Variants in ARMH4 observed in about 807,000 individuals in gnomAD.
ARMH4 encodes armadillo like helical domain containing 4, also known as armadillo-like helical domain-containing protein 4.
Under a neutral mutation model 61.9 loss-of-function variants are expected in ARMH4, and 49 were observed. That is an observed-to-expected ratio of 0.79 (90% CI 0.63 to 1.00). The LOEUF (loss-of-function observed/expected upper bound fraction) is 1.00. Ranked by LOEUF, ARMH4 falls within the 50% of genes least tolerant of loss-of-function variation. The pLI is 0.00. For synonymous variants in ARMH4, 368 were observed against 341.5 expected (o/e 1.08, Z -0.85); for missense variants, 934 against 930.0 (o/e 1.00, Z -0.06).
intron 4 of ARMH4, among the ~76,000 whole-genome samples, chr14:58,122,051 G>A (rs1159853298): frequency 1.3e-5 from 2 of 152,152 alleles, no homozygotes; most frequent in Non-Finnish European, 2.9e-5. Flanking sequence ...CTGTCATTGA[G>A]GCAAAGTGAA....
At chr14:58,030,113 T>C (rs1175394727) in intron 5 of ARMH4, among the ~76,000 whole-genome samples, 2 of 152,294 alleles carry the variant, frequency 1.3e-5, no homozygotes, top group Admixed American at 6.5e-5. Context: ...TAAGGGAATG[T>C]GCTAAGGGAT....
At chr14:58,086,922 G>A (rs534409284) in intron 5 of ARMH4, among the ~76,000 whole-genome samples, 4 of 152,092 alleles carry the variant, frequency 2.6e-5, no homozygotes, top group African/African-American at 4.8e-5. Context: ...AGAAAAAGTC[G>A]GTAGGGAATG....
chr14:58,147,324 T>C (rs1015460132), intron 1 of ARMH4, among the ~76,000 whole-genome samples: 1 of 151,752 alleles, frequency 6.6e-6, no homozygotes, highest in Non-Finnish European at 1.5e-5. Context: ...TGGTTTTTTT[T>C]TTTTTTTTTG....
chr14:58,011,059 C>T (rs1882390560), intron 6 of ARMH4, among the ~76,000 whole-genome samples: 1 of 152,056 alleles, frequency 6.6e-6, no homozygotes. Context: ...GATCCCAGCC[C>T]ACCTCTCTTC....
chr14:58,044,156 A>C (rs1248720039), intron 5 of ARMH4, among the ~76,000 whole-genome samples: 1 of 152,178 alleles, frequency 6.6e-6, no homozygotes, highest in Non-Finnish European at 1.5e-5. Context: ...CGCATTGCCA[A>C]ATCAATCCTA....
Position 58,058,049 on chromosome 14 carries a change from G to C in ARMH4, c.2089+38675C>G, listed in dbSNP as rs150531628. On this transcript the variant is annotated intron_variant, in intron 5 of 7. Transcript: ENST00000267485. Reference sequence around the variant, plus strand: ...TTACTCTTTTTCCTGTTCAAATCTAGTTTTCACTTTTTCTTCAGCAAAGGA... The same window carrying C: ...TTACTCTTTTTCCTGTTCAAATCTACTTTTCACTTTTTCTTCAGCAAAGGA... Among the ~76,000 whole-genome samples, 514 of 152,226 alleles carry C rather than the reference G, an allele frequency of 3.4e-3. 3 individuals are homozygous for C. Among genetic ancestry groups the C allele is most frequent in the African/African-American group, 0.012 (496 of 41,528 alleles).
chr14:58,056,130 G>A (rs1183816165), intron 5 of ARMH4, among the ~76,000 whole-genome samples: 2 of 152,156 alleles, frequency 1.3e-5, no homozygotes, highest in Non-Finnish European at 2.9e-5. Context: ...TTTTTAGAGG[G>A]AGTGCCACCA....
At chr14:58,050,019 T>C (rs902070169) in intron 5 of ARMH4, among the ~76,000 whole-genome samples, 4 of 152,202 alleles carry the variant, frequency 2.6e-5, no homozygotes, top group Admixed American at 1.3e-4. Context: ...TCAAGATTTT[T>C]TTCTCCATCT....
chr14:58,102,089 G>T (rs1197667929), intron 4 of ARMH4, among the ~76,000 whole-genome samples: 1 of 152,188 alleles, frequency 6.6e-6, no homozygotes, highest in African/African-American at 2.4e-5. Flanking sequence ...AGGTGATAAC[G>T]TTTTGTGTGA....
At chr14:58,110,525 A>G (rs1008068898) in intron 4 of ARMH4, among the ~76,000 whole-genome samples, 15 of 152,078 alleles carry the variant, frequency 9.9e-5, no homozygotes, top group African/African-American at 1.4e-4. Context: ...AGTCTGATAT[A>G]TTTTCTCTGA....
intron 4 of ARMH4, among the ~76,000 whole-genome samples, chr14:58,115,237 A>G (rs905602580): frequency 2.0e-5 from 3 of 152,190 alleles, no homozygotes; most frequent in African/African-American, 2.4e-5. Flanking sequence ...AATTTAAACA[A>G]TTCAACAAGC....
chr14:58,117,505 A>ATATGC (rs1226575256), intron 4 of ARMH4, among the ~76,000 whole-genome samples: 1 of 152,230 alleles, frequency 6.6e-6, no homozygotes, highest in Non-Finnish European at 1.5e-5. Flanking sequence ...ATTTGTGGAA[A>ATATGC]TATGCATTTG....
intron 4 of ARMH4, chr14:58,131,252 A>G (rs1887084093): frequency 2.5e-6 from 1 of 402,498 alleles, no homozygotes; most frequent in South Asian, 4.0e-5. Flanking sequence ...TGGAATTTGA[A>G]TTTTTATAAC....
chr14:58,084,067 AG>A (rs1169485500), intron 5 of ARMH4, among the ~76,000 whole-genome samples: 13 of 152,182 alleles, frequency 8.5e-5, no homozygotes, highest in Admixed American at 2.6e-4. Flanking sequence ...TGATACAGTG[AG>A]GGGGATTAAG....
In ARMH4 at chr14:58,028,681, CACCA is replaced by C. The variant is rs1436519295; in HGVS notation, c.2090-16535_2090-16532del. Reference sequence around the variant, plus strand: ...GTTTGGTCCAGTGTCCCTGCCAGGACACCATGGCTGCAGTGCAGGAGGCCAGTAC... The same window carrying C: ...GTTTGGTCCAGTGTCCCTGCCAGGACTGGCTGCAGTGCAGGAGGCCAGTAC... On this transcript the variant is annotated intron_variant, in intron 5 of 7. Coordinates refer to ENST00000267485, the MANE Select transcript of ARMH4 (RefSeq NM_001001872.4). 2.6e-5 allele frequency among the ~76,000 whole-genome samples: 4 copies of C among 152,324 alleles called. No individual in the cohort carries two copies. The East Asian group carries it at 7.7e-4, about 29-fold the overall frequency.
At chr14:58,068,207 G>A in intron 5 of ARMH4, among the ~76,000 whole-genome samples, 1 of 152,092 alleles carries the variant, frequency 6.6e-6, no homozygotes, top group East Asian at 1.9e-4. Context: ...ACGATGGGAG[G>A]AGTTATCAGT....
intron 4 of ARMH4, among the ~76,000 whole-genome samples, chr14:58,100,753 C>T (rs924461344): frequency 1.1e-4 from 17 of 152,108 alleles, no homozygotes; most frequent in Non-Finnish European, 2.9e-5. Flanking sequence ...TCCTGGAGTG[C>T]CCCTGCCTGT....
intron 5 of ARMH4, among the ~76,000 whole-genome samples, chr14:58,066,536 C>A (rs1884708197): frequency 6.6e-6 from 1 of 152,046 alleles, no homozygotes; most frequent in South Asian, 2.1e-4. Flanking sequence ...CTGAATTGTA[C>A]ACTTTAAAGT....
intron 5 of ARMH4, among the ~76,000 whole-genome samples, chr14:58,072,538 G>A (rs977907292): frequency 6.6e-6 from 1 of 151,986 alleles, no homozygotes; most frequent in Non-Finnish European, 1.5e-5. Flanking sequence ...GGCCAACGTC[G>A]TGAAACCCCA....
Sources: gnomAD v4.1 joint callset for allele counts (sites outside exome capture counted in the v4.1 genomes callset) on GRCh38, gnomAD v4.1.1 for gene constraint, MANE v1.5 for transcripts, NCBI Gene and HGNC (gene_info 2026-07-23, HGNC 2026-07-21) for gene names.